Variants in DNAJC24 observed in about 807,000 individuals in gnomAD.
DNAJC24 encodes the protein dnaJ homolog subfamily C member 24.
In DNAJC24, 17 loss-of-function variants were observed where a neutral mutation model predicts 18.0. The ratio of observed to expected loss-of-function variants is 0.94; its 90% CI spans 0.65 to 1.42. DNAJC24 has a LOEUF of 1.42. Ranked by LOEUF, DNAJC24 falls within the 40% of genes most tolerant of loss-of-function variation. DNAJC24 has a pLI of 0.00. For missense variants in DNAJC24, 158 were observed against 175.6 expected, an observed-to-expected ratio of 0.90 and a Z score of 0.57; for synonymous variants, 55 against 57.7, an observed-to-expected ratio of 0.95 and a Z score of 0.21.
intron 3 of DNAJC24, among the ~76,000 whole-genome samples, chr11:31,422,367 A>G (rs1050228194): frequency 5.3e-5 from 8 of 152,326 alleles, no homozygotes; most frequent in African/African-American, 1.9e-4. Context: ...TGGACTCATT[A>G]TAAGAGTATA....
chr11:31,420,615 T>G (rs979094380), intron 3 of DNAJC24, among the ~76,000 whole-genome samples: 5 of 152,166 alleles, frequency 3.3e-5, no homozygotes, highest in African/African-American at 9.6e-5. Context: ...TGATTTTTAT[T>G]AAGCACTAGA....
intron 3 of DNAJC24, among the ~76,000 whole-genome samples, chr11:31,419,220 G>A (rs1012852323): frequency 3.3e-5 from 5 of 151,952 alleles, no homozygotes; most frequent in African/African-American, 1.2e-4. Flanking sequence ...TTCAAAATTA[G>A]TTGTAAAAAT....
chr11:31,406,909 A>G (rs1022257583), intron 2 of DNAJC24, among the ~76,000 whole-genome samples: 3 of 152,186 alleles, frequency 2.0e-5, no homozygotes, highest in Non-Finnish European at 4.4e-5. Flanking sequence ...TTCATTTAGC[A>G]TTTATTGAGC....
At chr11:31,396,012 T>C (rs1370888236) in intron 2 of DNAJC24, among the ~76,000 whole-genome samples, 1 of 152,216 alleles carries the variant, frequency 6.6e-6, no homozygotes, top group African/African-American at 2.4e-5. Flanking sequence ...TGACCTTGGT[T>C]CTTTGAACTG....
chr11:31,372,967 G>A lies in DNAJC24; in HGVS notation c.111+2108G>A, dbSNP rs1439234848. Among the ~76,000 whole-genome samples, 7 of 134,600 alleles carry A rather than the reference G, an allele frequency of 5.2e-5. 1 individual carries two copies. Among genetic ancestry groups the A allele is most frequent in the Non-Finnish European group, 1.0e-4 (6 of 58,316 alleles). 88.3% of individuals were successfully genotyped at this position (134,600 alleles called of 152,430 possible). Reference sequence around the variant, plus strand: ...AGTGTCTGGTCATACCCCATTGTGGGGTTGTTGCTTTTTTAAAATTTATCT... The same window carrying A: ...AGTGTCTGGTCATACCCCATTGTGGAGTTGTTGCTTTTTTAAAATTTATCT... On this transcript the variant is annotated intron_variant, in intron 2 of 4. Transcript: ENST00000465995.
Position 31,426,271 on chromosome 11 carries a change from G to A in DNAJC24, c.251-16G>A, listed in dbSNP as rs1158456565. 1.4e-6 allele frequency: 2 copies of A among 1,475,202 alleles called. No homozygotes were observed. The highest frequency in any genetic ancestry group is 1.9e-6 in the Non-Finnish European group (2 of 1,078,716). The allele number at this position is 1,475,202 out of a possible 1,614,324, so 91.4% of individuals were successfully genotyped here. ...ATCATGTTTTACAATTAAGTGTCAT[G>A]TTTTATGTTTTACAGAAGATGATCT... On this transcript the variant is annotated splice_polypyrimidine_tract_variant and intron_variant, in intron 3 of 4. Coordinates refer to ENST00000465995, the MANE Select transcript of DNAJC24 (RefSeq NM_181706.5).
chr11:31,429,551 C>A, intron 4 of DNAJC24: 1 of 371,838 alleles, frequency 2.7e-6, no homozygotes, highest in Non-Finnish European at 5.9e-6. Flanking sequence ...AGGGCACAAG[C>A]ATTTCAACTT....
chr11:31,399,175 G>A (rs922936883), intron 2 of DNAJC24, among the ~76,000 whole-genome samples: 6 of 152,014 alleles, frequency 3.9e-5, no homozygotes, highest in Non-Finnish European at 7.4e-5. Flanking sequence ...TACAGGACAG[G>A]GGTTATGCTA....
intron 2 of DNAJC24, among the ~76,000 whole-genome samples, chr11:31,410,453 A>T (rs1389464980): frequency 6.6e-6 from 1 of 152,206 alleles, no homozygotes; most frequent in Admixed American, 6.5e-5. Context: ...AAATATATGC[A>T]GCCAGTATTT....
At chr11:31,378,778 G>C (rs956087769) in intron 2 of DNAJC24, among the ~76,000 whole-genome samples, 13 of 152,052 alleles carry the variant, frequency 8.5e-5, no homozygotes, top group Non-Finnish European at 1.9e-4. Context: ...CTAGAGGGAG[G>C]GAAGGAAATT....
At chr11:31,419,306 T>A (rs1952781748) in intron 3 of DNAJC24, among the ~76,000 whole-genome samples, 2 of 151,990 alleles carry the variant, frequency 1.3e-5, no homozygotes, top group Admixed American at 1.3e-4. Flanking sequence ...GAAAAGTAAG[T>A]ATGTGAAATG....
intron 3 of DNAJC24, among the ~76,000 whole-genome samples, chr11:31,424,576 A>C (rs1468440893): frequency 6.6e-6 from 1 of 152,210 alleles, no homozygotes; most frequent in Non-Finnish European, 1.5e-5. Context: ...TTCAGAAATT[A>C]CTTAGCATAC....
chr11:31,384,560 AG>A (rs1444853230), intron 2 of DNAJC24: 1 of 152,262 alleles, frequency 6.6e-6, no homozygotes, highest in Non-Finnish European at 1.5e-5. Context: ...TATGAGTTGC[AG>A]TACGGTTCTC....
At position 31,412,058 on chromosome 11, in the gene DNAJC24, A is replaced by C. The variant is rs1239796777; in HGVS notation, c.112-2753A>C. ...TAAAGCCTCAGATGGCGAGCACCTT[A>C]TTTCAATTAATAATCAGGAAAATAC... On this transcript the variant is annotated intron_variant, in intron 2 of 4. Coordinates refer to ENST00000465995, the MANE Select transcript of DNAJC24 (RefSeq NM_181706.5). Among the ~76,000 whole-genome samples, 6 of 152,222 alleles carry C rather than the reference A, an allele frequency of 3.9e-5. No homozygotes were observed. The East Asian group carries it at 1.2e-3, about 29-fold the overall frequency.
chr11:31,420,813 A>G (rs1386076679), intron 3 of DNAJC24, among the ~76,000 whole-genome samples: 2 of 152,132 alleles, frequency 1.3e-5, no homozygotes, highest in African/African-American at 4.8e-5. Context: ...ACAATCTACT[A>G]TTTGTAGTTC....
chr11:31,395,864 T>A (rs1952539015), intron 2 of DNAJC24, among the ~76,000 whole-genome samples: 1 of 152,228 alleles, frequency 6.6e-6, no homozygotes, highest in African/African-American at 2.4e-5. Flanking sequence ...AGATTTGTAA[T>A]AACAGAACCA....
intron 2 of DNAJC24, among the ~76,000 whole-genome samples, chr11:31,377,409 A>G (rs541040110): frequency 6.6e-6 from 1 of 152,118 alleles, no homozygotes; most frequent in Non-Finnish European, 1.5e-5. Context: ...TTTTAAAGAC[A>G]TTCACATACC....
At chr11:31,400,028 T>C (rs1240545344) in intron 2 of DNAJC24, among the ~76,000 whole-genome samples, 2 of 152,158 alleles carry the variant, frequency 1.3e-5, no homozygotes, top group Non-Finnish European at 2.9e-5. Flanking sequence ...TTTCTGTTCC[T>C]ATGTTAGTTG....
intron 2 of DNAJC24, chr11:31,408,211 A>G (rs1349803533): frequency 4.4e-6 from 2 of 456,092 alleles, no homozygotes; most frequent in Non-Finnish European, 8.8e-6. Context: ...CTTGCCCATG[A>G]ATTCCTTGTT....
Sources: gnomAD v4.1 joint callset for allele counts (sites outside exome capture counted in the v4.1 genomes callset) on GRCh38, gnomAD v4.1.1 for gene constraint, MANE v1.5 for transcripts, NCBI Gene and HGNC (gene_info 2026-07-23, HGNC 2026-07-21) for gene names.